Variants in MDGA2 observed in about 807,000 individuals in gnomAD.
The protein encoded by MDGA2 is MAM domain containing glycosylphosphatidylinositol anchor 2, also known as MAM domain-containing glycosylphosphatidylinositol anchor protein 2.
Under a neutral mutation model 117.8 loss-of-function variants are expected in MDGA2, and 40 were observed. The observed-to-expected ratio is 0.34, with a 90% CI of 0.26 to 0.44. The LOEUF is 0.44. Ranked by LOEUF, MDGA2 falls within the 20% of genes least tolerant of loss-of-function variation. The probability of loss-of-function intolerance (pLI) is 1.00; values close to 1 mark genes in which losing one functional copy is unlikely to be tolerated. For missense variants in MDGA2, 1,123 were observed against 1,250.6 expected (o/e 0.90, Z 1.54); for synonymous variants, 452 against 439.0 (o/e 1.03, Z -0.37).
At position 46,858,408 on chromosome 14, in the gene MDGA2, CTT is replaced by C. The variant is rs1881360608; in HGVS notation, c.2753-3256_2753-3255del. 2.9e-4 allele frequency among the ~76,000 whole-genome samples: 21 copies of C among 71,752 alleles called. No homozygotes were observed. In the South Asian group the frequency reaches 0.018, roughly 61 times the overall value. The allele number at this position is 71,752 out of a possible 152,430, so 47.1% of individuals were successfully genotyped here. A position where few individuals can be genotyped will look rare whatever the true frequency, so the allele number is the denominator to read the frequency against. On this transcript the variant is annotated intron_variant, in intron 14 of 16. Coordinates refer to ENST00000399232, the MANE Select transcript of MDGA2 (RefSeq NM_001113498.3). ...ACATTTATAATACTTTTTTTCTTTT[CTT>C]TTTCTTTTTCTTTTTTTCTTTTTTT...
intron 1 of MDGA2, among the ~76,000 whole-genome samples, chr14:47,657,588 G>A (rs1897768363): frequency 6.6e-6 from 1 of 152,140 alleles, no homozygotes; most frequent in South Asian, 2.1e-4. Flanking sequence ...TGAAAGATTA[G>A]AAATTCATCT....
At chr14:46,850,390 C>A (rs547637495) in intron 15 of MDGA2, among the ~76,000 whole-genome samples, 1 of 151,926 alleles carries the variant, frequency 6.6e-6, no homozygotes, top group East Asian at 1.9e-4. Flanking sequence ...ATACAATGCA[C>A]TTCTGATGAT....
intron 8 of MDGA2, among the ~76,000 whole-genome samples, chr14:47,006,848 G>C (rs1887729554): frequency 6.6e-6 from 1 of 151,530 alleles, no homozygotes; most frequent in South Asian, 2.1e-4. Context: ...TCTCATTTTA[G>C]CTAGGTAGAT....
chr14:46,869,401 G>C (rs565216778), intron 14 of MDGA2, among the ~76,000 whole-genome samples: 1 of 142,364 alleles, frequency 7.0e-6, no homozygotes, highest in African/African-American at 2.7e-5. Context: ...TGGATTCATC[G>C]AGAATTGAAA....
chr14:47,111,851 A>G (rs1158629361), intron 5 of MDGA2, among the ~76,000 whole-genome samples: 1 of 152,120 alleles, frequency 6.6e-6, no homozygotes, highest in Admixed American at 6.6e-5. Context: ...TTCAACTATC[A>G]CCCCAAAATG....
At chr14:46,915,964 T>C (rs1595041950) in intron 10 of MDGA2, among the ~76,000 whole-genome samples, 2 of 152,146 alleles carry the variant, frequency 1.3e-5, no homozygotes, top group East Asian at 3.9e-4. Context: ...CTGATGGAGG[T>C]TGTCTACAAA....
intron 2 of MDGA2, among the ~76,000 whole-genome samples, chr14:47,244,091 C>T (rs1404685182): frequency 6.6e-6 from 1 of 151,656 alleles, no homozygotes; most frequent in Non-Finnish European, 1.5e-5. Context: ...GTGAGAGATT[C>T]TGCTTTTAAG....
At chr14:47,418,368 G>A (rs891640853) in intron 1 of MDGA2, among the ~76,000 whole-genome samples, 1 of 152,090 alleles carries the variant, frequency 6.6e-6, no homozygotes, top group Admixed American at 6.6e-5. Flanking sequence ...TTACAGGTGC[G>A]AGCCACCACG....
chr14:47,567,742 G>A (rs1278873351), intron 1 of MDGA2, among the ~76,000 whole-genome samples: 1 of 152,136 alleles, frequency 6.6e-6, no homozygotes, highest in African/African-American at 2.4e-5. Flanking sequence ...ATCTAAGAGT[G>A]TTCCACTAAA....
At chr14:47,590,150 T>G (rs1896409211) in intron 1 of MDGA2, among the ~76,000 whole-genome samples, 1 of 151,906 alleles carries the variant, frequency 6.6e-6, no homozygotes, top group African/African-American at 2.4e-5. Context: ...ATAGCTTTAC[T>G]TCTTCCTTTC....
chr14:47,475,573 C>T (rs8012121), intron 1 of MDGA2, among the ~76,000 whole-genome samples: 69,471 of 151,958 alleles, frequency 0.46, 16,091 homozygotes, highest in East Asian at 0.61. Flanking sequence ...ATGGAATCAA[C>T]GCAAAAGCCC....
chr14:47,079,063 G>A (rs1171591082), intron 6 of MDGA2, among the ~76,000 whole-genome samples: 5 of 151,288 alleles, frequency 3.3e-5, no homozygotes, highest in African/African-American at 9.7e-5. Flanking sequence ...AGGATGGAAG[G>A]AAGAAAGGAA....
At chr14:47,407,563 C>T (rs2138477611) in intron 1 of MDGA2, among the ~76,000 whole-genome samples, 1 of 152,116 alleles carries the variant, frequency 6.6e-6, no homozygotes, top group South Asian at 2.1e-4. Context: ...CTTAATTTGT[C>T]CTTTGGCTTT....
intron 3 of MDGA2, among the ~76,000 whole-genome samples, chr14:47,170,407 G>A (rs1450621981): frequency 6.6e-6 from 1 of 152,154 alleles, no homozygotes; most frequent in Non-Finnish European, 1.5e-5. Context: ...GTCTGAAACT[G>A]TACAGGCATT....
At chr14:47,345,263 C>A (rs1890740201) in intron 1 of MDGA2, among the ~76,000 whole-genome samples, 1 of 151,996 alleles carries the variant, frequency 6.6e-6, no homozygotes, top group South Asian at 2.1e-4. Context: ...TCTGGAAATG[C>A]CCCAACCGGA....
intron 9 of MDGA2, among the ~76,000 whole-genome samples, chr14:46,944,147 T>C (rs1310450625): frequency 2.6e-5 from 4 of 152,182 alleles, no homozygotes; most frequent in African/African-American, 9.6e-5. Context: ...AGCATATTTT[T>C]GTACTGCAGT....
chr14:47,043,863 G>T (rs1889163823), intron 7 of MDGA2, among the ~76,000 whole-genome samples: 2 of 151,918 alleles, frequency 1.3e-5, no homozygotes, highest in Admixed American at 1.3e-4. Context: ...ATTCTTTAAG[G>T]TCCAATTTAA....
intron 1 of MDGA2, among the ~76,000 whole-genome samples, chr14:47,543,075 G>T (rs1393820529): frequency 1.3e-5 from 2 of 152,062 alleles, no homozygotes; most frequent in Admixed American, 1.3e-4. Flanking sequence ...GCCAGGCATG[G>T]TGGTGCACAT....
chr14:47,626,080 G>A (rs979854982), intron 1 of MDGA2, among the ~76,000 whole-genome samples: 3 of 152,160 alleles, frequency 2.0e-5, no homozygotes, highest in Non-Finnish European at 4.4e-5. Context: ...GCTCAAGCAT[G>A]GCATTGACCC....
Sources: allele counts gnomAD v4.1 joint callset (sites outside exome capture counted in the v4.1 genomes callset), GRCh38; gene constraint gnomAD v4.1.1; transcripts MANE v1.5; gene names NCBI Gene and HGNC (gene_info 2026-07-23, HGNC 2026-07-21).